The following OTUD7A variants were observed in gnomAD, a reference collection of about 807,000 sequenced individuals.
The protein encoded by OTUD7A is OTU domain-containing protein 7A.
OTUD7A carries 12 observed loss-of-function variants against 65.7 expected under a neutral mutation model. The ratio of observed to expected loss-of-function variants is 0.18; its 90% CI spans 0.12 to 0.30. The LOEUF is 0.30. OTUD7A is among the 10% of genes least tolerant of loss of function. The pLI is 1.00. For missense variants in OTUD7A, 1,148 were observed against 1,304.8 expected (o/e 0.88, Z 1.85); for synonymous variants, 641 against 586.3 (o/e 1.09, Z -1.35).
chr15:31,507,724 CCT>C (rs2041602272), intron 8 of OTUD7A, among the ~76,000 whole-genome samples: 1 of 151,998 alleles, frequency 6.6e-6, no homozygotes, highest in Non-Finnish European at 1.5e-5. Context: ...TTCAATCTTC[CCT>C]GTCACTGGCT....
chr15:31,832,304 T>TC (rs1896952896), intron 1 of OTUD7A, among the ~76,000 whole-genome samples: 1 of 152,106 alleles, frequency 6.6e-6, no homozygotes, highest in South Asian at 2.1e-4. Flanking sequence ...CCTCATGTGC[T>TC]CAAGAGTGTC....
intron 1 of OTUD7A, among the ~76,000 whole-genome samples, chr15:31,688,584 G>A (rs1892894474): frequency 6.6e-6 from 1 of 152,136 alleles, no homozygotes. Context: ...TCTGGGTAGG[G>A]ACAACATATT....
At chr15:31,691,032 A>G (rs7169739) in intron 1 of OTUD7A, among the ~76,000 whole-genome samples, 11,949 of 152,210 alleles carry the variant, frequency 0.079, 1,123 homozygotes, top group African/African-American at 0.23. Context: ...TGCAAATCAT[A>G]TATCTGATAA....
intron 1 of OTUD7A, among the ~76,000 whole-genome samples, chr15:31,713,144 GCC>G (rs1208499114): frequency 1.3e-5 from 2 of 152,172 alleles, no homozygotes; most frequent in South Asian, 2.1e-4. Flanking sequence ...CCATGGGAAA[GCC>G]ATATGAGAAA....
chr15:31,493,890 CATATT>C (rs1250719461), intron 10 of OTUD7A, among the ~76,000 whole-genome samples: 4 of 152,162 alleles, frequency 2.6e-5, no homozygotes, highest in Non-Finnish European at 5.9e-5. Context: ...TTAAAATGCT[CATATT>C]AGATGAGAAA....
At chr15:31,645,546 C>A (rs1263737350) in intron 3 of OTUD7A, among the ~76,000 whole-genome samples, 1 of 152,184 alleles carries the variant, frequency 6.6e-6, no homozygotes, top group Non-Finnish European at 1.5e-5. Context: ...CTTCATCCAT[C>A]CACGTCAGTA....
Position 31,564,713 on chromosome 15 carries a change from T to C in OTUD7A, c.331+5305A>G, listed in dbSNP as rs190685942. 4.5e-4 allele frequency among the ~76,000 whole-genome samples: 68 copies of C among 152,158 alleles called. 1 individual carries two copies. The East Asian group carries it at 0.01, about 23-fold the overall frequency. On this transcript the variant is annotated intron_variant, in intron 4 of 12. Coordinates refer to ENST00000307050, the MANE Select transcript of OTUD7A (RefSeq NM_001382637.1). Reference sequence around the variant, plus strand: ...AGAGAAGATAGGACAGAAGAATGGATTGAATTAACCACTCAAAAGACAGAG... The same window carrying C: ...AGAGAAGATAGGACAGAAGAATGGACTGAATTAACCACTCAAAAGACAGAG...
intron 5 of OTUD7A, among the ~76,000 whole-genome samples, chr15:31,533,948 T>C (rs921487468): frequency 7.2e-5 from 11 of 152,144 alleles, no homozygotes; most frequent in Non-Finnish European, 1.3e-4. Flanking sequence ...TCACCAATAG[T>C]AGTAAAATGT....
intron 5 of OTUD7A, among the ~76,000 whole-genome samples, chr15:31,537,907 G>C (rs77891032): frequency 0.021 from 3,141 of 152,264 alleles, 55 homozygotes; most frequent in Non-Finnish European, 0.03. Flanking sequence ...GCATTTCTGC[G>C]GCAGACCTCG....
intron 1 of OTUD7A, among the ~76,000 whole-genome samples, chr15:31,726,054 G>GT (rs55709390): frequency 3.9e-4 from 58 of 146,994 alleles, no homozygotes; most frequent in Non-Finnish European, 4.4e-4. Flanking sequence ...GCCAGACAGA[G>GT]TTTTTTTTTT....
intron 3 of OTUD7A, among the ~76,000 whole-genome samples, chr15:31,583,797 T>C (rs1282296441): frequency 6.6e-6 from 1 of 152,074 alleles, no homozygotes; most frequent in East Asian, 1.9e-4. Context: ...CTGGGACTCA[T>C]GAGGTGTCCA....
In OTUD7A at chr15:31,498,303, T is replaced by C. The variant is rs1460614336; in HGVS notation, c.1171+3387A>G. Among the ~76,000 whole-genome samples, 1 of 152,192 alleles carries C rather than the reference T, an allele frequency of 6.6e-6. No homozygotes were observed. Among genetic ancestry groups the C allele is most frequent in the Non-Finnish European group, 1.5e-5 (1 of 68,042 alleles). ...GTGAGAATATTTACAGAAATGCAGA[T>C]TATTTTATTACATTGGTTTCCTTTG... On this transcript the variant is annotated intron_variant, in intron 10 of 12. Coordinates refer to ENST00000307050, the MANE Select transcript of OTUD7A (RefSeq NM_001382637.1). This position sits in a 1 kb window ranked among gnomAD's most constrained non-coding sequence, Gnocchi z 4.2.
At chr15:31,608,041 G>A (rs1310112686) in intron 3 of OTUD7A, among the ~76,000 whole-genome samples, 2 of 152,190 alleles carry the variant, frequency 1.3e-5, no homozygotes, top group African/African-American at 4.8e-5. Flanking sequence ...GAGGTCAGGA[G>A]ATCGAGACCA....
chr15:31,790,869 G>A (rs1895795359), intron 1 of OTUD7A, among the ~76,000 whole-genome samples: 4 of 152,198 alleles, frequency 2.6e-5, no homozygotes, highest in Admixed American at 2.6e-4. Flanking sequence ...AGAGTCACAG[G>A]CTGAGGTCCC....
At chr15:31,751,620 T>A (rs998040349) in intron 1 of OTUD7A, among the ~76,000 whole-genome samples, 1 of 152,186 alleles carries the variant, frequency 6.6e-6, no homozygotes, top group Non-Finnish European at 1.5e-5. Flanking sequence ...ATACGTATAT[T>A]CATTGTAGCA....
At chr15:31,807,935 T>C in intron 1 of OTUD7A, among the ~76,000 whole-genome samples, 1 of 152,058 alleles carries the variant, frequency 6.6e-6, no homozygotes. Context: ...TTGTATTTAA[T>C]AACCTCGAGG....
chr15:31,740,439 GGGTGGGA>G (rs1272945613), intron 1 of OTUD7A, among the ~76,000 whole-genome samples: 7 of 152,044 alleles, frequency 4.6e-5, no homozygotes, highest in African/African-American at 9.7e-5. Flanking sequence ...GGTGGGGGGA[GGGTGGGA>G]GGTGGGAGGA....
At chr15:31,580,576 G>A (rs1228040480) in intron 3 of OTUD7A, among the ~76,000 whole-genome samples, 1 of 152,146 alleles carries the variant, frequency 6.6e-6, no homozygotes, top group Admixed American at 6.5e-5. Flanking sequence ...AAGGAAAGAG[G>A]TTTAATTGAC....
intron 1 of OTUD7A, among the ~76,000 whole-genome samples, chr15:31,791,896 C>A (rs1895825851): frequency 6.6e-6 from 1 of 152,100 alleles, no homozygotes; most frequent in Non-Finnish European, 1.5e-5. Flanking sequence ...TATGCCCTCC[C>A]CAAATGCACT....
Sources: gnomAD v4.1 joint callset for allele counts (sites outside exome capture counted in the v4.1 genomes callset) on GRCh38, gnomAD v4.1.1 for gene constraint, Gnocchi (gnomAD v3.1) non-coding constraint, MANE v1.5 for transcripts, NCBI Gene and HGNC (gene_info 2026-07-23, HGNC 2026-07-21) for gene names.